The following PLA2G2A variants were observed in gnomAD, a reference collection of about 807,000 sequenced individuals.
PLA2G2A encodes the protein phospholipase A2, membrane associated.
A neutral mutation model predicts 11.2 loss-of-function variants in PLA2G2A; 6 were observed. The observed-to-expected ratio is 0.54, with a 90% CI of 0.29 to 1.06. PLA2G2A has a LOEUF of 1.06. Ranked by LOEUF, PLA2G2A falls within the 50% of genes least tolerant of loss-of-function variation. The probability of loss-of-function intolerance (pLI) is 0.08; values close to 1 mark genes in which losing one functional copy is unlikely to be tolerated. For synonymous variants in PLA2G2A, 69 were observed against 65.8 expected (o/e 1.05, Z -0.23); for missense variants, 133 against 177.1 (o/e 0.75, Z 1.41).
intron 4 of PLA2G2A, among the ~76,000 whole-genome samples, chr1:19,976,100 C>T (rs1203871388): frequency 6.6e-6 from 1 of 152,208 alleles, no homozygotes; most frequent in African/African-American, 2.4e-5. Context: ...TAATCTCTTC[C>T]TCTTGCTAAC....
At chr1:19,975,951 G>C in intron 4 of PLA2G2A, 108 bp from the exon 5 acceptor site, 2 of 930,650 alleles carry the variant, frequency 2.1e-6, no homozygotes, top group Non-Finnish European at 3.4e-6. Flanking sequence ...GAAGCTCCTA[G>C]TTGGAGACAA....
Position 19,978,512 on chromosome 1 carries a change from G to C in PLA2G2A, c.53C>G (p.Ala18Gly), listed in dbSNP as rs758065887. ...GTGGAAATTCACCAAATTCCCATGG[G>C]CCTGCAGTAGGCCTGGAAGGAAATT... The change falls in exon 3 of 5, where the codon GCC becomes GGC. Residue 18 changes from alanine to glycine, a missense_variant. Transcript: ENST00000482011. 1.7e-5 allele frequency: 27 copies of C among 1,613,496 alleles called. No homozygotes were observed. Among genetic ancestry groups the C allele is most frequent in the Non-Finnish European group, 2.3e-5 (27 of 1,180,036 alleles).
chr1:19,975,629 TTAGG>T, downstream of PLA2G2A: 1 of 1,414,730 alleles, frequency 7.1e-7, no homozygotes, highest in South Asian at 1.2e-5. Flanking sequence ...AGGAACTTGG[TTAGG>T]GTAGGGAGGG....
chr1:19,977,529 G>C (rs1286815701), intron 4 of PLA2G2A, among the ~76,000 whole-genome samples: 1 of 152,160 alleles, frequency 6.6e-6, no homozygotes, highest in Non-Finnish European at 1.5e-5. Flanking sequence ...TAGCTCCTTT[G>C]CTTAATAGCA....
At chr1:19,979,927 A>AG (rs1001555104), upstream of PLA2G2A, among the ~76,000 whole-genome samples, 164 of 152,238 alleles carry the variant, frequency 1.1e-3, no homozygotes, top group African/African-American at 3.6e-3. Flanking sequence ...ATCGCCTCTA[A>AG]GGGGGGCAGA....
At chr1:19,978,809 G>A in exon 2 of PLA2G2A, 1 of 1,607,358 alleles carries the variant, frequency 6.2e-7, no homozygotes, top group African/African-American at 1.3e-5. Flanking sequence ...CAGATGGACT[G>A]GCCTAGCTCC....
intron 1 of PLA2G2A, among the ~76,000 whole-genome samples, chr1:19,979,345 A>G (rs751051549): frequency 6.6e-6 from 1 of 152,078 alleles, no homozygotes; most frequent in Non-Finnish European, 1.5e-5. Context: ...ACAAGTTCCC[A>G]AACACATACA....
chr1:19,976,183 G>A (rs2046216864), intron 4 of PLA2G2A, among the ~76,000 whole-genome samples: 1 of 152,206 alleles, frequency 6.6e-6, no homozygotes, highest in African/African-American at 2.4e-5. Context: ...AGCCAGGCAG[G>A]GTCATCCCTT....
intron 4 of PLA2G2A, among the ~76,000 whole-genome samples, chr1:19,976,758 C>G (rs2046225097): frequency 6.6e-6 from 1 of 152,154 alleles, no homozygotes; most frequent in South Asian, 2.1e-4. Flanking sequence ...GCCAAACTTT[C>G]TCCAGAATGT....
intron 3 of PLA2G2A, 88 bp from the exon 4 acceptor site, chr1:19,978,209 A>T: frequency 3.0e-6 from 4 of 1,339,980 alleles, no homozygotes; most frequent in Non-Finnish European, 4.3e-6. Context: ...CCCTGGGCAG[A>T]GACCCAGTGA....
At chr1:19,978,142 G>A (rs2046247203) in intron 3 of PLA2G2A, 21 bp from the exon 4 acceptor site, 2 of 1,561,706 alleles carry the variant, frequency 1.3e-6, no homozygotes, top group African/African-American at 2.7e-5. Context: ...ACACCCTGTT[G>A]GGGCTCTTGT....
Position 19,978,822 on chromosome 1 carries a change from T to C in PLA2G2A, c.-49A>G, listed in dbSNP as rs201469795. 31 of 1,594,810 alleles carry C rather than the reference T, an allele frequency of 1.9e-5. 1 individual carries two copies. In the Admixed American group the frequency reaches 4.0e-4, roughly 21 times the overall value. On this transcript the variant is annotated 5_prime_UTR_variant, in exon 2 of 5. Transcript: ENST00000482011. The stretch of plus-strand genomic sequence containing the variant: ...TGCAGATGGACTGGCCTAGCTCCTC[T>C]GCTGGGTGGTCTCAACTTCTGCCCC...
At position 19,978,726 on chromosome 1, in the gene PLA2G2A, G is replaced by A. The variant is rs375416486; in HGVS notation, c.40+8C>T. On this transcript the variant is annotated splice_region_variant and intron_variant, in intron 2 of 4. Transcript: ENST00000482011. ...CCCCCATGCTCAGAGGTCAGGGTCAGCTCTTACCAAAGATCATGATCACTG... is the reference window on the plus strand; with the variant it reads ...CCCCCATGCTCAGAGGTCAGGGTCAACTCTTACCAAAGATCATGATCACTG... The A allele has an allele frequency of 1.9e-4, 314 of 1,613,994 alleles. No individual in the cohort carries two copies. The highest frequency in any genetic ancestry group is 4.9e-4 in the Middle Eastern group (3 of 6,062).
At position 19,975,890 on chromosome 1, in the gene PLA2G2A, C is replaced by T. The variant is rs757990679; in HGVS notation, c.293-47G>A. The stretch of plus-strand genomic sequence containing the variant: ...CACAAGATGGGAGTTTATTAATATT[C>T]AGTGGCTTCTTGTGGGAACCCTGGG... On this transcript the variant is annotated intron_variant, in intron 4 of 4. Coordinates refer to ENST00000482011, the Ensembl canonical transcript of PLA2G2A. 1.7e-5 allele frequency: 26 copies of T among 1,571,246 alleles called. 1 individual carries two copies. In the Admixed American group the frequency reaches 2.4e-4, roughly 14 times the overall value.
At chr1:19,977,131 A>C (rs1349745505) in intron 4 of PLA2G2A, among the ~76,000 whole-genome samples, 2 of 152,126 alleles carry the variant, frequency 1.3e-5, no homozygotes, top group Non-Finnish European at 2.9e-5. Context: ...CCTGAGCTGC[A>C]TTTGTATAGA....
chr1:19,978,220 C>G, intron 3 of PLA2G2A, 99 bp from the exon 4 acceptor site: 2 of 1,338,074 alleles, frequency 1.5e-6, no homozygotes, highest in Admixed American at 1.7e-5. Context: ...GACCCAGTGA[C>G]TTTGCAACAG....
Position 19,978,376 on chromosome 1 carries a change from T to G in PLA2G2A, c.185+4A>C. On this transcript the variant is annotated splice_donor_region_variant and intron_variant, in intron 3 of 4. Coordinates refer to ENST00000482011, the Ensembl canonical transcript of PLA2G2A. ...GGAGGGTAGGGAGGGATAGGTGGCC[T>G]CACCGATCCGTTGCATCCTTGGGGG... 1 of 1,611,614 alleles carries G rather than the reference T, an allele frequency of 6.2e-7. No homozygotes were observed. The highest frequency in any genetic ancestry group is 1.1e-5 in the South Asian group (1 of 90,958).
upstream of PLA2G2A, chr1:19,980,300 G>A (rs1186101499): frequency 6.6e-6 from 1 of 152,210 alleles, no homozygotes; most frequent in Non-Finnish European, 1.5e-5. Context: ...CCTGGAAAAA[G>A]CCAGAGGCTA....
rs144665182 is a variant in PLA2G2A at position 19,978,227 on chromosome 1, A to G, written c.186-106T>C. 5.1e-4 allele frequency: 678 copies of G among 1,336,574 alleles called. 13 individuals carry two copies. The East Asian group carries it at 0.015, about 30-fold the overall frequency. 82.8% of individuals were successfully genotyped at this position (1,336,574 alleles called of 1,614,324 possible). A position where few individuals can be genotyped will look rare whatever the true frequency, so the allele number is the denominator to read the frequency against. Reference sequence around the variant, plus strand: ...TGGGCAGAGACCCAGTGACTTTGCAACAGTCTAGAGCAGAAGTTCCAACAT... The same window carrying G: ...TGGGCAGAGACCCAGTGACTTTGCAGCAGTCTAGAGCAGAAGTTCCAACAT... On this transcript the variant is annotated intron_variant, in intron 3 of 4. Transcript: ENST00000482011.
Sources: allele counts gnomAD v4.1 joint callset (sites outside exome capture counted in the v4.1 genomes callset), GRCh38; gene constraint gnomAD v4.1.1; transcripts MANE v1.5; gene names NCBI Gene and HGNC (gene_info 2026-07-23, HGNC 2026-07-21).